TCF25: variants seen among roughly 807,000 people sequenced by gnomAD.
TCF25 encodes the protein ribosome quality control complex subunit TCF25.
A neutral mutation model predicts 83.1 loss-of-function variants in TCF25; 41 were observed. The observed-to-expected ratio is 0.49, with a 90% confidence interval of 0.38 to 0.64. The LOEUF (loss-of-function observed/expected upper bound fraction) is 0.64, where lower values mean the gene tolerates loss of function less well. Ranked by LOEUF, TCF25 falls within the 30% of genes least tolerant of loss-of-function variation. The probability of loss-of-function intolerance (pLI) is 0.00; values close to 1 mark genes in which losing one functional copy is unlikely to be tolerated. For missense variants in TCF25, 979 were observed against 914.5 expected (o/e 1.07, Z -0.91); for synonymous variants, 458 against 365.0 (o/e 1.25, Z -2.90).
intron 9 of TCF25, among the ~76,000 whole-genome samples, chr16:89,896,617 G>A (rs1156486774): frequency 6.7e-6 from 1 of 148,930 alleles, no homozygotes; most frequent in Non-Finnish European, 1.5e-5. Flanking sequence ...GCAGGGGCGC[G>A]ATCTCGGCTC....
At chr16:89,874,278 G>A (rs1176412529) in intron 1 of TCF25, among the ~76,000 whole-genome samples, 1 of 151,678 alleles carries the variant, frequency 6.6e-6, no homozygotes, top group Non-Finnish European at 1.5e-5. Context: ...CCACGTGGCT[G>A]TCGTGGGGCC....
chr16:89,904,669 A>C (rs2044627163), intron 13 of TCF25: 1 of 585,362 alleles, frequency 1.7e-6, no homozygotes, highest in African/African-American at 1.9e-5. Context: ...CCCTGTGTGC[A>C]CGCAGATGGA....
chr16:89,876,050 T>C (rs1358747349), intron 1 of TCF25, among the ~76,000 whole-genome samples: 2 of 152,068 alleles, frequency 1.3e-5, no homozygotes, highest in Non-Finnish European at 2.9e-5. Context: ...TGGTGGGAAT[T>C]TGGAAAAAGT....
At chr16:89,908,682 GCTCCCACCTCCCGCCTCCCAGCTCCCAC>G (rs1567746246) in intron 16 of TCF25, among the ~76,000 whole-genome samples, 2 of 1,028 alleles carry the variant, frequency 1.9e-3, no homozygotes, top group African/African-American at 7.2e-3. Context: ...CCTCCTCCCA[GCTCCCACCTCCCGCCTCCCAGCTCCCAC>G]CTCCCGGCTC....
At chr16:89,890,245 G>C (rs2043324320) in intron 5 of TCF25, 1 of 152,316 alleles carries the variant, frequency 6.6e-6, no homozygotes, top group Admixed American at 6.5e-5. Flanking sequence ...GGTATACCCA[G>C]GTCATTTCCT....
intron 9 of TCF25, 43 bp from the exon 10 acceptor site, chr16:89,898,514 C>T (rs2044062280): frequency 6.8e-7 from 1 of 1,479,372 alleles, no homozygotes; most frequent in Non-Finnish European, 9.2e-7. Flanking sequence ...AGAGCATTCT[C>T]CTTTGTGTCG....
At chr16:89,911,037 C>T in intron 17 of TCF25, 43 bp from the exon 18 acceptor site, 2 of 1,605,832 alleles carry the variant, frequency 1.2e-6, no homozygotes, top group African/African-American at 1.3e-5. Context: ...CCCCTAGTCC[C>T]AGCACAGACA....
chr16:89,900,841 G>C, intron 12 of TCF25, 47 bp downstream of exon 12: 1 of 1,478,006 alleles, frequency 6.8e-7, no homozygotes, highest in Non-Finnish European at 9.1e-7. Flanking sequence ...TGTCCTGTCA[G>C]CCGTGGGGGC....
chr16:89,886,432 AAATAAT>A (rs952250925), intron 4 of TCF25, among the ~76,000 whole-genome samples: 16 of 149,736 alleles, frequency 1.1e-4, no homozygotes, highest in Admixed American at 2.7e-4. Flanking sequence ...TGTCTCAAAA[AAATAAT>A]AATAATAATA....
Position 89,893,765 on chromosome 16 carries a change from C to T in TCF25, c.735C>T (p.Leu245=), listed in dbSNP as rs767625555. Residue 245 remains leucine (L), a synonymous_variant, in exon 7 of 18, where the codon CTC becomes CTT. Coordinates refer to ENST00000263346, the MANE Select transcript of TCF25 (RefSeq NM_014972.3). ...GGCTGCTGGAATCAAAAAAAGGCCT[C>T]TCCTTCTTTGCGTTTGAGCACAGTG... ...SMRLLESKKG[L]SFFAFEHSEE... is the part of the protein sequence containing the mutation. The T allele has an allele frequency of 1.2e-6, 2 of 1,613,988 alleles. No individual in the cohort carries two copies. Among genetic ancestry groups the T allele is most frequent in the East Asian group, 2.2e-5 (1 of 44,868 alleles).
chr16:89,888,471 C>T (rs1396094420), intron 5 of TCF25, among the ~76,000 whole-genome samples: 1 of 151,590 alleles, frequency 6.6e-6, no homozygotes, highest in East Asian at 2.0e-4. Flanking sequence ...TGCCTGTAAT[C>T]CCAGCTACTC....
intron 3 of TCF25, among the ~76,000 whole-genome samples, chr16:89,885,043 C>CCCCTCTCCCTCTGCCTGACG (rs1567702614): frequency 4.9e-5 from 4 of 81,334 alleles, no homozygotes; most frequent in South Asian, 9.5e-4. Context: ...CTGCCTGACG[C>CCCCTCTCCCTCTGCCTGACG]CCCTCTCCCT....
Position 89,907,340 on chromosome 16 carries a change from G to T in TCF25, c.1799+18G>T, listed in dbSNP as rs1374128423. On this transcript the variant is annotated intron_variant, in intron 16 of 17. Transcript: ENST00000263346. ...CCAGAGAGGTACCTCCCTCCTTCCA[G>T]TTCCCACCTCCCAGCTCCCACCTCC... 6.4e-7 allele frequency: 1 copy of T among 1,563,566 alleles called. No individual in the cohort carries two copies. Among genetic ancestry groups the T allele is most frequent in the South Asian group, 1.1e-5 (1 of 89,276 alleles).
Position 89,907,255 on chromosome 16 carries a change from C to G in TCF25, c.1732C>G (p.Gln578Glu), listed in dbSNP as rs2044870638. 6.2e-7 allele frequency: 1 copy of G among 1,612,564 alleles called. No individual in the cohort carries two copies. Among genetic ancestry groups the G allele is most frequent in the South Asian group, 1.1e-5 (1 of 91,078 alleles). Residue 578 changes from glutamine to glutamate, a missense_variant, in exon 16 of 18, where the codon CAG (glutamine) becomes GAG (glutamate). Physicochemically the swap from Gln to Glu is conservative, Grantham distance 29. Transcript: ENST00000263346. The part of the protein sequence containing the change: ...VAALPPDVTT[Q>E]SVMGFDPLPP... ...TCCCTTTCTGAAGGACGTGACCACG[C>G]AGTCTGTGATGGGGTTTGATCCTCT... is the stretch of plus-strand genomic sequence containing the variant.
intron 4 of TCF25, among the ~76,000 whole-genome samples, chr16:89,886,782 C>G (rs549247586): frequency 6.6e-6 from 1 of 151,050 alleles, no homozygotes; most frequent in Non-Finnish European, 1.5e-5. Flanking sequence ...AAAAAAAATA[C>G]AAAAATTAGC....
At position 89,911,360 on chromosome 16, in the gene TCF25, C is replaced by A; in HGVS notation, c.*122C>A. 1 of 1,331,038 alleles carries A rather than the reference C, an allele frequency of 7.5e-7. No individual in the cohort carries two copies. Among genetic ancestry groups the A allele is most frequent in the South Asian group, 1.3e-5 (1 of 74,570 alleles). The allele number at this position is 1,331,038 out of a possible 1,614,324, so 82.5% of individuals were successfully genotyped here. ...GTCGCTCCCTGGTCCACTGTTTCTC[C>A]TATAAATGTAAATGGGTCACGCTCT... On this transcript the variant is annotated 3_prime_UTR_variant, in exon 18 of 18. Coordinates refer to ENST00000263346, the MANE Select transcript of TCF25 (RefSeq NM_014972.3).
chr16:89,875,850 G>C (rs971236001), intron 1 of TCF25, among the ~76,000 whole-genome samples: 24 of 51,312 alleles, frequency 4.7e-4, no homozygotes, highest in African/African-American at 2.2e-3. Flanking sequence ...TTTTTTTTTG[G>C]TTACAGACAG....
At chr16:89,904,759 G>A in intron 13 of TCF25, 179 bp from the exon 14 acceptor site, 2 of 752,096 alleles carry the variant, frequency 2.7e-6, no homozygotes, top group Non-Finnish European at 4.6e-6. Flanking sequence ...CAGGCTCACG[G>A]CACATACCTG....
intron 1 of TCF25, chr16:89,874,704 C>T (rs1024050806): frequency 6.6e-6 from 1 of 152,280 alleles, no homozygotes; most frequent in African/African-American, 2.4e-5. Context: ...CCTCTGCGGG[C>T]TCTGCGATCC....
Sources: allele counts gnomAD v4.1 joint callset (sites outside exome capture counted in the v4.1 genomes callset), GRCh38; gene constraint gnomAD v4.1.1; transcripts MANE v1.5; gene names NCBI Gene and HGNC (gene_info 2026-07-23, HGNC 2026-07-21).